The following COL5A3 variants were observed in gnomAD, a reference collection of about 807,000 sequenced individuals.
The protein encoded by COL5A3 is collagen type V alpha 3 chain.
COL5A3 carries 172 observed loss-of-function variants against 250.0 expected under a neutral mutation model. That is an observed-to-expected ratio of 0.69 (90% CI 0.61 to 0.78). The LOEUF (loss-of-function observed/expected upper bound fraction) is 0.78. COL5A3 is among the 30% of genes least tolerant of loss of function. The pLI is 0.00. For missense variants in COL5A3, 2,340 were observed against 2,334.4 expected (o/e 1.00, Z -0.05); for synonymous variants, 937 against 900.4 (o/e 1.04, Z -0.73).
At chr19:9,984,950 T>C (rs1002801466) in intron 31 of COL5A3, among the ~76,000 whole-genome samples, 7 of 131,286 alleles carry the variant, frequency 5.3e-5, no homozygotes, top group African/African-American at 2.0e-4. Flanking sequence ...TAATTTTTTT[T>C]TTTTTTTTTT....
At chr19:9,985,750 G>A (rs755818474) in intron 31 of COL5A3, 92 bp downstream of exon 31, 20 of 1,187,002 alleles carry the variant, frequency 1.7e-5, no homozygotes, top group Middle Eastern at 2.4e-4. Context: ...GGGGTGGGCA[G>A]CTCATCCCCC....
At chr19:9,995,893 C>G (rs1172609656) in intron 15 of COL5A3, 173 bp downstream of exon 15, 1 of 704,838 alleles carries the variant, frequency 1.4e-6, no homozygotes, top group Non-Finnish European at 2.3e-6. Context: ...ATCCTCCCAC[C>G]TCGGCCTCCC....
At chr19:9,982,199 A>G in intron 31 of COL5A3, 81 bp from the exon 32 acceptor site, 2 of 894,166 alleles carry the variant, frequency 2.2e-6, no homozygotes, top group Non-Finnish European at 3.4e-6. Flanking sequence ...CCATCCTTTG[A>G]GGCATTTCCA....
At chr19:9,962,755 C>T in intron 65 of COL5A3, 64 bp downstream of exon 65, 3 of 1,357,624 alleles carry the variant, frequency 2.2e-6, no homozygotes, top group Non-Finnish European at 3.1e-6. Flanking sequence ...ACCCACCCCT[C>T]AAACCCCCCT....
intron 7 of COL5A3, 23 bp from the exon 8 acceptor site, chr19:10,001,693 A>G: frequency 6.2e-7 from 1 of 1,613,330 alleles, no homozygotes. Context: ...GGAAAGACCA[A>G]AGTTTTCCCT....
intron 21 of COL5A3, 119 bp downstream of exon 21, chr19:9,992,708 C>T (rs116544731): frequency 0.047 from 45,237 of 961,358 alleles, 1,249 homozygotes; most frequent in Middle Eastern, 0.068. Flanking sequence ...ACCCAGGAGC[C>T]GGAGGTTGCA....
At chr19:9,979,053 C>T (rs2086966438) in intron 39 of COL5A3, 73 bp from the exon 40 acceptor site, 1 of 1,468,818 alleles carries the variant, frequency 6.8e-7, no homozygotes, top group African/African-American at 1.4e-5. Context: ...ACTCAGGGCC[C>T]CCTCCCCCAT....
rs139060186 is a variant in COL5A3, at chr19:9,971,108, G to A, written c.3829-80C>T. ...GGATGGGGCTGGGAGGCAAAAGAAC[G>A]TTTTTGGTTCCACTGTCAGTGCCCA... On this transcript the variant is annotated intron_variant, in intron 52 of 66. Transcript: ENST00000264828. 11,289 of 1,419,272 alleles carry A rather than the reference G, an allele frequency of 8.0e-3. 98 individuals are homozygous for A. Among genetic ancestry groups the A allele is most frequent in the Admixed American group, 0.036 (1,356 of 37,510 alleles). 87.9% of individuals were successfully genotyped at this position (1,419,272 alleles called of 1,614,324 possible).
At chr19:9,982,281 C>A (rs759658745) in intron 31 of COL5A3, among the ~76,000 whole-genome samples, 163 bp from the exon 32 acceptor site, 3 of 152,142 alleles carry the variant, frequency 2.0e-5, no homozygotes, top group Non-Finnish European at 4.4e-5. Context: ...CTTCTCTCCT[C>A]TCCCCTCCTC....
At chr19:9,991,764 A>T in intron 23 of COL5A3, 24 bp downstream of exon 23, 1 of 1,598,314 alleles carries the variant, frequency 6.3e-7, no homozygotes, top group Non-Finnish European at 8.5e-7. Context: ...CCCATGCCCC[A>T]TTATTGGGAA....
intron 24 of COL5A3, among the ~76,000 whole-genome samples, chr19:9,991,103 A>G (rs2087182429): frequency 6.6e-6 from 1 of 152,166 alleles, no homozygotes; most frequent in South Asian, 2.1e-4. Flanking sequence ...TTAGCCAGGC[A>G]CAGTGGCATG....
chr19:9,970,899 C>G, intron 53 of COL5A3, 76 bp downstream of exon 53: 1 of 1,337,514 alleles, frequency 7.5e-7, no homozygotes, highest in Non-Finnish European at 1.0e-6. Context: ...AGCCCACTCC[C>G]CTGCCCCCCC....
chr19:9,962,723 C>G (rs911151476), intron 65 of COL5A3, 96 bp downstream of exon 65: 1 of 935,598 alleles, frequency 1.1e-6, no homozygotes, highest in African/African-American at 1.7e-5. Flanking sequence ...GAAAGCCTAT[C>G]CTCTTCATCT....
At chr19:9,999,136 TTTCC>T (rs142456677) in intron 8 of COL5A3, among the ~76,000 whole-genome samples, 4,277 of 126,690 alleles carry the variant, frequency 0.034, 104 homozygotes, top group South Asian at 0.056. Context: ...CTCTCTCTTT[TTTCC>T]TTCCTTCCTT....
At chr19:9,986,792 T>C in intron 27 of COL5A3, 34 bp from the exon 28 acceptor site, 4 of 1,610,476 alleles carry the variant, frequency 2.5e-6, no homozygotes, top group African/African-American at 1.3e-5. Flanking sequence ...CTCAAGCCTC[T>C]TCCCTGCTTA....
rs527697821 is a variant in COL5A3, at chr19:9,976,607, G to A, written c.3293C>T (p.Pro1098Leu). ...GSKGDKGDAG[P>L]PGQPGIRGPA... The stretch of plus-strand genomic sequence containing the variant: ...ACCCCGTATCCCTGGTTGTCCAGGT[G>A]GGCCCTGGGAGAACAGGAAACAGAA... Residue 1098 changes from proline to leucine, a missense_variant, in exon 45 of 67, where the codon CCA becomes CTA. Pro to Leu is a moderately conservative substitution (Grantham distance 98, BLOSUM62 -3). Transcript: ENST00000264828. The A allele has an allele frequency of 1.3e-6, 2 of 1,576,304 alleles. No individual in the cohort carries two copies. Among genetic ancestry groups the A allele is most frequent in the South Asian group, 1.2e-5 (1 of 83,944 alleles).
rs1315895758 is a variant in COL5A3 at position 10,010,424 on chromosome 19, G to A, written c.-39C>T. The A allele has an allele frequency of 8.5e-6, 11 of 1,293,774 alleles. No individual in the cohort carries two copies. Among genetic ancestry groups the A allele is most frequent in the Non-Finnish European group, 1.1e-5 (11 of 1,001,922 alleles). The allele number at this position is 1,293,774 out of a possible 1,614,324, so 80.1% of individuals were successfully genotyped here. ...ACGGGCAAGGCGGGGAACCAGTCGG[G>A]GCGGCTGCGGGGCGCGGCGACTTCT... On this transcript the variant is annotated 5_prime_UTR_variant, in exon 1 of 67. Transcript: ENST00000264828.
In COL5A3 at chr19:9,977,406, G is replaced by T; in HGVS notation, c.3193C>A (p.Pro1065Thr). 6.5e-7 allele frequency: 1 copy of T among 1,547,072 alleles called. No individual in the cohort carries two copies. The highest frequency in any genetic ancestry group is 8.7e-7 in the Non-Finnish European group (1 of 1,147,072). ...CCAGAAGGCCCAGCAGCTCCAGGGG[G>T]TCCCAGAGGCCCCAGGGGCCCTGGG... ...GIPGPLGPLGPPGAAGPSGEE... is the reference protein window; with the variant it reads ...GIPGPLGPLGTPGAAGPSGEE... Residue 1065 changes from proline (P) to threonine (T), a missense_variant, in exon 43 of 67, where the codon CCC (proline) becomes ACC (threonine). Pro to Thr is a conservative substitution (Grantham distance 38, BLOSUM62 -1). Coordinates refer to ENST00000264828, the MANE Select transcript of COL5A3 (RefSeq NM_015719.4).
chr19:9,962,713 G>A, intron 65 of COL5A3, 106 bp downstream of exon 65: 3 of 825,154 alleles, frequency 3.6e-6, no homozygotes, highest in Non-Finnish European at 5.8e-6. Flanking sequence ...GAAGGTAGAG[G>A]AAAGCCTATC....
Sources: gnomAD v4.1 joint callset for allele counts (sites outside exome capture counted in the v4.1 genomes callset) on GRCh38, gnomAD v4.1.1 for gene constraint, MANE v1.5 for transcripts, NCBI Gene and HGNC (gene_info 2026-07-23, HGNC 2026-07-21) for gene names.